The following FBXO8 variants were observed in gnomAD, a reference collection of about 807,000 sequenced individuals.
FBXO8 encodes F-box only protein 8.
FBXO8 carries 15 observed loss-of-function variants against 33.4 expected under a neutral mutation model. That is an observed-to-expected ratio of 0.45 (90% CI 0.30 to 0.69). FBXO8 has a LOEUF of 0.69. FBXO8 is among the 30% of genes least tolerant of loss of function. FBXO8 has a pLI of 0.08. For synonymous variants in FBXO8, 132 were observed against 131.5 expected, an observed-to-expected ratio of 1.00 and a Z score of -0.02; for missense variants, 274 against 380.3, an observed-to-expected ratio of 0.72 and a Z score of 2.32.
In FBXO8 at chr4:174,272,128, G is replaced by A. The variant is rs1316270947; in HGVS notation, c.-8-9028C>T. ...GGATAACGTCAAAAGGACATTAGGA[G>A]CTAATTTGAAGGAGGCTTCTATTGG... On this transcript the variant is annotated intron_variant, in intron 1 of 5. Coordinates refer to ENST00000393674, the MANE Select transcript of FBXO8 (RefSeq NM_012180.3). This position sits in a 1 kb window ranked among gnomAD's most constrained non-coding sequence, Gnocchi z 4.7. 6.6e-6 allele frequency among the ~76,000 whole-genome samples: 1 copy of A among 152,202 alleles called. No individual in the cohort carries two copies. Among genetic ancestry groups the A allele is most frequent in the Non-Finnish European group, 1.5e-5 (1 of 68,046 alleles).
intron 4 of FBXO8, among the ~76,000 whole-genome samples, chr4:174,240,789 G>A (rs574674573): frequency 6.6e-6 from 1 of 151,660 alleles, no homozygotes; most frequent in South Asian, 2.1e-4. Context: ...CTTAGATTAT[G>A]GCTACTTGTC....
Position 174,263,697 on chromosome 4 carries a change from T to C in FBXO8, c.-8-597A>G, listed in dbSNP as rs1201640456. 6.6e-6 allele frequency among the ~76,000 whole-genome samples: 1 copy of C among 152,210 alleles called. No homozygotes were observed. Among genetic ancestry groups the C allele is most frequent in the Non-Finnish European group, 1.5e-5 (1 of 68,026 alleles). ...AAATTAGACACCTAGAACTCCATGA[T>C]AAATAGCTCGGTAACAGTAGACTAT... On this transcript the variant is annotated intron_variant, in intron 1 of 5. Transcript: ENST00000393674. This position sits in a 1 kb window ranked among gnomAD's most constrained non-coding sequence, Gnocchi z 4.2.
At position 174,237,604 on chromosome 4, in the gene FBXO8, A is replaced by T. The variant is rs1321796813; in HGVS notation, c.773-5T>A. On this transcript the variant is annotated splice_region_variant and splice_polypyrimidine_tract_variant and intron_variant, in intron 5 of 5. Coordinates refer to ENST00000393674, the MANE Select transcript of FBXO8 (RefSeq NM_012180.3). The surrounding 1 kb of genome is among the most constrained non-coding windows in gnomAD (Gnocchi z 4.4). ...AGCACAGTACATAGACAGCATCTGG[A>T]AAGAAAAAGAAACAGTTCAAATTAT... 1 of 1,584,500 alleles carries T rather than the reference A, an allele frequency of 6.3e-7. No homozygotes were observed. The highest frequency in any genetic ancestry group is 2.3e-5 in the East Asian group (1 of 44,284).
chr4:174,250,144 T>C (rs190687609), intron 3 of FBXO8, among the ~76,000 whole-genome samples: 138 of 152,106 alleles, frequency 9.1e-4, no homozygotes, highest in African/African-American at 3.3e-3. Context: ...ATAAGTATTA[T>C]TACTGTCCCC....
At position 174,247,040 on chromosome 4, in the gene FBXO8, T is replaced by C. The variant is rs1233087176; in HGVS notation, c.457-5822A>G. 2.6e-5 allele frequency among the ~76,000 whole-genome samples: 4 copies of C among 152,024 alleles called. No homozygotes were observed. The highest frequency in any genetic ancestry group is 7.2e-5 in the African/African-American group (3 of 41,416). On this transcript the variant is annotated intron_variant, in intron 3 of 5. Transcript: ENST00000393674. This position sits in a 1 kb window ranked among gnomAD's most constrained non-coding sequence, Gnocchi z 4.6. Reference sequence around the variant, plus strand: ...AGTTAATGTGAATTCAGCCCATCTCTTGTTAAGGTTAAGCAAAATCTACCA... The same window carrying C: ...AGTTAATGTGAATTCAGCCCATCTCCTGTTAAGGTTAAGCAAAATCTACCA...
chr4:174,272,335 C>G lies in FBXO8; in HGVS notation c.-8-9235G>C, dbSNP rs1190166953. ...CATCCTCCTGTATACTTTAAATCAT[C>G]TCTAGATTACTTATAACATCCAATA... On this transcript the variant is annotated intron_variant, in intron 1 of 5. Transcript: ENST00000393674. The surrounding 1 kb of genome is among the most constrained non-coding windows in gnomAD (Gnocchi z 4.7). Among the ~76,000 whole-genome samples, 1 of 152,180 alleles carries G rather than the reference C, an allele frequency of 6.6e-6. No individual in the cohort carries two copies. Among genetic ancestry groups the G allele is most frequent in the African/African-American group, 2.4e-5 (1 of 41,434 alleles).
At position 174,270,724 on chromosome 4, in the gene FBXO8, C is replaced by G. The variant is rs1302735229; in HGVS notation, c.-8-7624G>C. On this transcript the variant is annotated intron_variant, in intron 1 of 5. Transcript: ENST00000393674. This position sits in a 1 kb window ranked among gnomAD's most constrained non-coding sequence, Gnocchi z 4.6. ...CTCCACCTCCCAGGTTCAAGTGATT[C>G]TCCTGTCTCAGCCTCCCGAGTGCTG... Among the ~76,000 whole-genome samples, 3 of 151,452 alleles carry G rather than the reference C, an allele frequency of 2.0e-5. No homozygotes were observed. Among genetic ancestry groups the G allele is most frequent in the African/African-American group, 7.3e-5 (3 of 41,160 alleles).
intron 1 of FBXO8, among the ~76,000 whole-genome samples, chr4:174,264,795 TA>T (rs70947422): frequency 0.31 from 43,519 of 142,418 alleles, 6,445 homozygotes; most frequent in East Asian, 0.52. Flanking sequence ...ATAAAATTCT[TA>T]AAAAAAAAAA....
At position 174,273,716 on chromosome 4, in the gene FBXO8, G is replaced by T. The variant is rs1032217409; in HGVS notation, c.-9+9694C>A. On this transcript the variant is annotated intron_variant, in intron 1 of 5. Transcript: ENST00000393674. The stretch of plus-strand genomic sequence containing the variant: ...CAAAATATTAAAAATTTGTAAACCT[G>T]GCTAAAAAGTATTCAAGGGTTATTT... Among the ~76,000 whole-genome samples the T allele has an allele frequency of 2.6e-5, 4 of 152,060 alleles. 1 individual carries two copies. The highest frequency in any genetic ancestry group is 1.3e-4 in the Admixed American group (2 of 15,268).
chr4:174,248,639 C>T (rs1736216147), intron 3 of FBXO8, among the ~76,000 whole-genome samples: 1 of 151,982 alleles, frequency 6.6e-6, no homozygotes, highest in Non-Finnish European at 1.5e-5. Context: ...TCTCAGTTAG[C>T]TATGAAACAT....
Position 174,262,171 on chromosome 4 carries a change from T to C in FBXO8, c.329+593A>G, listed in dbSNP as rs1188849523. 6.6e-6 allele frequency among the ~76,000 whole-genome samples: 1 copy of C among 152,142 alleles called. No homozygotes were observed. The highest frequency in any genetic ancestry group is 1.5e-5 in the Non-Finnish European group (1 of 68,004). Reference sequence around the variant, plus strand: ...TTCAGCAAGTAAATAAAAACAACTATTTGTCCCCTTGCTTTCTAATATTTG... The same window carrying C: ...TTCAGCAAGTAAATAAAAACAACTACTTGTCCCCTTGCTTTCTAATATTTG... On this transcript the variant is annotated intron_variant, in intron 2 of 5. Transcript: ENST00000393674. The surrounding 1 kb of genome is among the most constrained non-coding windows in gnomAD (Gnocchi z 4.6).
In FBXO8 at chr4:174,257,954, T is replaced by C. The variant is rs1000461987; in HGVS notation, c.456+1745A>G. Among the ~76,000 whole-genome samples, 1 of 152,050 alleles carries C rather than the reference T, an allele frequency of 6.6e-6. No homozygotes were observed. The highest frequency in any genetic ancestry group is 2.4e-5 in the African/African-American group (1 of 41,386). The stretch of plus-strand genomic sequence containing the variant: ...TGTTGTCCAGGCTGGTCTCAAACTC[T>C]TGGGCTCAAGTGGTCCGCCTGCCTC... On this transcript the variant is annotated intron_variant, in intron 3 of 5. Coordinates refer to ENST00000393674, the MANE Select transcript of FBXO8 (RefSeq NM_012180.3). This position sits in a 1 kb window ranked among gnomAD's most constrained non-coding sequence, Gnocchi z 4.3.
Position 174,237,351 on chromosome 4 carries a change from T to G in FBXO8, c.*61A>C, listed in dbSNP as rs1015546870. The G allele has an allele frequency of 1.4e-6, 2 of 1,448,122 alleles. No individual in the cohort carries two copies. Among genetic ancestry groups the G allele is most frequent in the African/African-American group, 2.8e-5 (2 of 71,438 alleles). 89.7% of individuals were successfully genotyped at this position (1,448,122 alleles called of 1,614,324 possible). On this transcript the variant is annotated 3_prime_UTR_variant, in exon 6 of 6. Transcript: ENST00000393674. The surrounding 1 kb of genome is among the most constrained non-coding windows in gnomAD (Gnocchi z 4.4). ...CCAGCACTGATGTAACCCCCATATC[T>G]GCTAAGTCCTTGGGTAGCTTTAGTC... is the stretch of plus-strand genomic sequence containing the variant.
rs1277541027 is a variant in FBXO8 at position 174,253,886 on chromosome 4, G to T, written c.456+5813C>A. On this transcript the variant is annotated intron_variant, in intron 3 of 5. Coordinates refer to ENST00000393674, the MANE Select transcript of FBXO8 (RefSeq NM_012180.3). This position sits in a 1 kb window ranked among gnomAD's most constrained non-coding sequence, Gnocchi z 4.5. ...TACTGGGGACACTATTATGGGGGAA[G>T]TGATATTTTGAGTTGTGGTAGCATC... Among the ~76,000 whole-genome samples the T allele has an allele frequency of 1.3e-5, 2 of 152,156 alleles. No homozygotes were observed. The highest frequency in any genetic ancestry group is 2.9e-5 in the Non-Finnish European group (2 of 68,016).
At chr4:174,279,703 A>G (rs1296060452) in intron 1 of FBXO8, among the ~76,000 whole-genome samples, 1 of 152,114 alleles carries the variant, frequency 6.6e-6, no homozygotes, top group Non-Finnish European at 1.5e-5. Context: ...CATCACATAT[A>G]TGGTCAAAAG....
In FBXO8 at chr4:174,241,073, G is replaced by T; in HGVS notation, c.575+27C>A. The T allele has an allele frequency of 2.2e-6, 3 of 1,341,106 alleles. No individual in the cohort carries two copies. Among genetic ancestry groups the T allele is most frequent in the South Asian group, 1.2e-5 (1 of 82,688 alleles). The allele number at this position is 1,341,106 out of a possible 1,614,324, so 83.1% of individuals were successfully genotyped here. A position where few individuals can be genotyped will look rare whatever the true frequency, so the allele number is the denominator to read the frequency against. ...TCAAAAACATTACTTAACTCATTTTGGATGAAAAGTTAATTTTCGTTTTTA... is the reference window on the plus strand; with the variant it reads ...TCAAAAACATTACTTAACTCATTTTTGATGAAAAGTTAATTTTCGTTTTTA... On this transcript the variant is annotated intron_variant, in intron 4 of 5. Coordinates refer to ENST00000393674, the MANE Select transcript of FBXO8 (RefSeq NM_012180.3). This position sits in a 1 kb window ranked among gnomAD's most constrained non-coding sequence, Gnocchi z 4.2.
chr4:174,282,454 T>C (rs1737131017), intron 1 of FBXO8, among the ~76,000 whole-genome samples: 1 of 152,190 alleles, frequency 6.6e-6, no homozygotes. Flanking sequence ...TCAGACATAT[T>C]GTCAGGTTAA....
rs373097457 is a variant in FBXO8 at position 174,237,198 on chromosome 4, G to A, written c.*214C>T. The A allele has an allele frequency of 1.1e-5, 5 of 465,252 alleles. No homozygotes were observed. The highest frequency in any genetic ancestry group is 3.9e-5 in the African/African-American group (2 of 51,854). 28.8% of individuals were successfully genotyped at this position (465,252 alleles called of 1,614,324 possible). On this transcript the variant is annotated 3_prime_UTR_variant, in exon 6 of 6. Coordinates refer to ENST00000393674, the MANE Select transcript of FBXO8 (RefSeq NM_012180.3). The surrounding 1 kb of genome is among the most constrained non-coding windows in gnomAD (Gnocchi z 4.4). ...ACAGTGGCTCTGCTTTGTGCAAAACGTGATAAACAAAATTAGGAAAAATTC... is the reference window on the plus strand; with the variant it reads ...ACAGTGGCTCTGCTTTGTGCAAAACATGATAAACAAAATTAGGAAAAATTC...
At position 174,247,532 on chromosome 4, in the gene FBXO8, TAAAC is replaced by T. The variant is rs1224593569; in HGVS notation, c.457-6318_457-6315del. ...TGAAGACTTTAAAAATAGTAATACT[TAAAC>T]AATATAGCTCAATCTAGATTTCTAA... is the stretch of plus-strand genomic sequence containing the variant. On this transcript the variant is annotated intron_variant, in intron 3 of 5. Coordinates refer to ENST00000393674, the MANE Select transcript of FBXO8 (RefSeq NM_012180.3). The surrounding 1 kb of genome is among the most constrained non-coding windows in gnomAD (Gnocchi z 4.6). Among the ~76,000 whole-genome samples the T allele has an allele frequency of 2.0e-5, 3 of 152,038 alleles. No individual in the cohort carries two copies. Among genetic ancestry groups the T allele is most frequent in the African/African-American group, 7.2e-5 (3 of 41,432 alleles).
Sources: gnomAD v4.1 joint callset for allele counts (sites outside exome capture counted in the v4.1 genomes callset) on GRCh38, gnomAD v4.1.1 for gene constraint, Gnocchi (gnomAD v3.1) non-coding constraint, MANE v1.5 for transcripts, NCBI Gene and HGNC (gene_info 2026-07-23, HGNC 2026-07-21) for gene names.